ALAS2: variants seen among roughly 807,000 people sequenced by gnomAD.
ALAS2 encodes 5'-aminolevulinate synthase 2, also known as 5-aminolevulinate synthase, erythroid-specific, mitochondrial.
In ALAS2, 3 loss-of-function variants were observed where a neutral mutation model predicts 33.7. The observed-to-expected ratio is 0.09, with a 90% CI of 0.04 to 0.23. The LOEUF is 0.23. Among genes scored for constraint, ALAS2 ranks in the 10% least tolerant of loss-of-function variants. ALAS2 has a pLI of 1.00. For missense variants in ALAS2, 304 were observed against 475.1 expected (o/e 0.64, Z 3.35); for synonymous variants, 191 against 177.3 (o/e 1.08, Z -0.61).
intron 5 of ALAS2, among the ~76,000 whole-genome samples, 156 bp from the exon 6 acceptor site, chrX:55,020,660 G>C (rs761159068): frequency 9.0e-6 from 1 of 111,701 alleles, no homozygotes; most frequent in Non-Finnish European, 1.9e-5. Context: ...AGGATGGGGA[G>C]GATAGGGAGA....
In ALAS2 at chrX:55,009,230, G is replaced by A. The variant is rs372280573; in HGVS notation, c.1714C>T (p.Arg572Cys). 3 of 1,208,252 alleles carry A rather than the reference G, an allele frequency of 2.5e-6. No individual in the cohort carries two copies. Among genetic ancestry groups the A allele is most frequent in the Non-Finnish European group, 3.4e-6 (3 of 893,938 alleles). ...GGCCCCATGTTCCCGAAGTAGGAAC[G>A]TTCCCACTCACTCATGAGCTCAAAG... is the stretch of plus-strand genomic sequence containing the variant. ...VHFELMSEWE[R>C]SYFGNMGPQY... is the part of the protein sequence containing the mutation. The change falls in exon 11 of 11, where the codon CGT becomes TGT. Residue 572 changes from arginine to cysteine, a missense_variant. Physicochemically the swap from Arg to Cys is radical, Grantham distance 180. Transcript: ENST00000650242.
chrX:55,020,838 C>T (rs1319999762), intron 5 of ALAS2, among the ~76,000 whole-genome samples: 2 of 111,958 alleles, frequency 1.8e-5, no homozygotes, highest in African/African-American at 6.5e-5. Flanking sequence ...GGTCTCCCAT[C>T]CTTCCCCTCC....
intron 1 of ALAS2, among the ~76,000 whole-genome samples, chrX:55,026,561 C>T (rs760166684): frequency 2.7e-5 from 3 of 111,620 alleles, no homozygotes; most frequent in Non-Finnish European, 3.8e-5. Flanking sequence ...TCAAGGGATC[C>T]GGAAGGAAGG....
At chrX:55,023,135 A>G (rs916744660) in intron 4 of ALAS2, among the ~76,000 whole-genome samples, 6 of 110,399 alleles carry the variant, frequency 5.4e-5, no homozygotes, top group Non-Finnish European at 1.1e-4. Context: ...AACGAACTCC[A>G]GGTAAAATAA....
chrX:55,024,803 C>T lies in ALAS2; in HGVS notation c.219G>A (p.Met73Ile), dbSNP rs1259201474. The change falls in exon 3 of 11, where the codon ATG (methionine) becomes ATA (isoleucine). Residue 73 changes from methionine to isoleucine, a missense_variant. Coordinates refer to ENST00000650242, the MANE Select transcript of ALAS2 (RefSeq NM_000032.5). ...TCTTCCCATCCTGGAGTTCCGACAG[C>T]ATGAAGGGACAGTGGCCCTTCGCCC... is the stretch of plus-strand genomic sequence containing the variant. ...PSWAKGHCPFMLSELQDGKSK... is the reference protein window; with the variant it reads ...PSWAKGHCPFILSELQDGKSK... The T allele has an allele frequency of 1.7e-6, 2 of 1,209,929 alleles. No homozygotes were observed. The highest frequency in any genetic ancestry group is 2.2e-6 in the Non-Finnish European group (2 of 894,912).
rs1356854760 is a variant in ALAS2, at chrX:55,009,216, C to G, written c.1728G>C (p.Gly576=). The G allele has an allele frequency of 8.3e-7, 1 of 1,205,935 alleles. No homozygotes were observed. The highest frequency in any genetic ancestry group is 1.8e-5 in the African/African-American group (1 of 56,800). Reference sequence around the variant, plus strand: ...TGGTGACATACTGGGGCCCCATGTTCCCGAAGTAGGAACGTTCCCACTCAC... The same window carrying G: ...TGGTGACATACTGGGGCCCCATGTTGCCGAAGTAGGAACGTTCCCACTCAC... ...LMSEWERSYF[G]NMGPQYVTTY... The change falls in exon 11 of 11, where the codon GGG becomes GGC. Residue 576 remains glycine, a synonymous_variant. Transcript: ENST00000650242.
intron 1 of ALAS2, among the ~76,000 whole-genome samples, chrX:55,028,784 C>CT (rs202086122): frequency 0.033 from 3,621 of 111,342 alleles, 156 homozygotes; most frequent in African/African-American, 0.11. Context: ...ATCTCATTAC[C>CT]TACCAAGAGA....
intron 1 of ALAS2, among the ~76,000 whole-genome samples, chrX:55,030,045 C>A (rs1935968154): frequency 9.8e-6 from 1 of 101,619 alleles, no homozygotes; most frequent in Admixed American, 1.2e-4. Flanking sequence ...AAACATCAGG[C>A]CTTACTTCTC....
intron 1 of ALAS2, chrX:55,027,668 C>T: frequency 2.1e-6 from 2 of 973,410 alleles, no homozygotes; most frequent in South Asian, 1.9e-5. Context: ...AGGGACAGGT[C>T]AGCTCATGGC....
At position 55,014,778 on chromosome X, in the gene ALAS2, A is replaced by T. The variant is rs769553400; in HGVS notation, c.1406T>A (p.Ile469Asn). 5 of 1,191,752 alleles carry T rather than the reference A, an allele frequency of 4.2e-6. No homozygotes were observed. Among genetic ancestry groups the T allele is most frequent in the Non-Finnish European group, 5.7e-6 (5 of 883,175 alleles). The change falls in exon 9 of 11, where the codon ATC becomes AAC. Residue 469 changes from isoleucine to asparagine, a missense_variant. This residue lies in a region of ALAS2 where 95 missense variants were observed against 127.0 expected (regional missense o/e 0.75). Coordinates refer to ENST00000650242, the MANE Select transcript of ALAS2 (RefSeq NM_000032.5). ...QLLMDRGLPV[I>N]PCPSHIIPIR... is the part of the protein sequence containing the mutation. ...GGGGATGATGTGGCTGGGGCAGGGG[A>T]TGACAGGAAGGCCCCTGTCCATGAG...
intron 10 of ALAS2, among the ~76,000 whole-genome samples, chrX:55,012,349 C>T (rs1282288590): frequency 2.7e-5 from 3 of 112,143 alleles, no homozygotes; most frequent in African/African-American, 9.7e-5. Flanking sequence ...AATGTGTCCA[C>T]TCCCTCTAGC....
intron 10 of ALAS2, among the ~76,000 whole-genome samples, chrX:55,011,101 A>C (rs1935594697): frequency 9.0e-6 from 1 of 111,235 alleles, no homozygotes; most frequent in Admixed American, 9.6e-5. Context: ...GAAAAAACAA[A>C]ATGCATGTGG....
At chrX:55,025,710 C>T in intron 2 of ALAS2, 110 bp downstream of exon 2, 1 of 820,892 alleles carries the variant, frequency 1.2e-6, no homozygotes, top group Non-Finnish European at 1.8e-6. Context: ...GCTATCTTGA[C>T]ACTTTTCACA....
intron 4 of ALAS2, among the ~76,000 whole-genome samples, chrX:55,022,943 T>C (rs973569579): frequency 8.1e-5 from 9 of 111,664 alleles, no homozygotes; most frequent in Non-Finnish European, 1.5e-4. Flanking sequence ...AAATAAAAAT[T>C]GAAAAAAGTA....
chrX:55,028,962 G>A (rs1935941754), intron 1 of ALAS2, among the ~76,000 whole-genome samples: 2 of 112,052 alleles, frequency 1.8e-5, no homozygotes, highest in Non-Finnish European at 3.8e-5. Flanking sequence ...TCTGGAAAAT[G>A]TTGGTAATAA....
At chrX:55,023,092 C>T (rs1364251049) in intron 4 of ALAS2, among the ~76,000 whole-genome samples, 1 of 110,195 alleles carries the variant, frequency 9.1e-6, no homozygotes, top group Non-Finnish European at 1.9e-5. Flanking sequence ...CATACTATAC[C>T]CATGACATAT....
At chrX:55,022,611 G>A (rs867222148) in intron 4 of ALAS2, among the ~76,000 whole-genome samples, 33 of 111,678 alleles carry the variant, frequency 3.0e-4, no homozygotes, top group African/African-American at 1.0e-3. Flanking sequence ...TTGACAAAAT[G>A]TATTAATATC....
At chrX:55,017,710 C>T (rs1413847990) in intron 6 of ALAS2, 45 bp from the exon 7 acceptor site, 5 of 1,163,454 alleles carry the variant, frequency 4.3e-6, no homozygotes, top group Admixed American at 2.2e-5. Context: ...TCCCAGTACT[C>T]CCACTTCAAC....
rs1935865765 is a variant in ALAS2, at chrX:55,024,844, T to C, written c.182-4A>G. 2.5e-6 allele frequency: 3 copies of C among 1,209,720 alleles called. No individual in the cohort carries two copies. Among genetic ancestry groups the C allele is most frequent in the Non-Finnish European group, 3.4e-6 (3 of 895,065 alleles). ...CCCTTCGCCCAAGATGGAGAATCTATGCAAAGGTAAGAGAGTAATTTGGGG... is the reference window on the plus strand; with the variant it reads ...CCCTTCGCCCAAGATGGAGAATCTACGCAAAGGTAAGAGAGTAATTTGGGG... On this transcript the variant is annotated splice_polypyrimidine_tract_variant and splice_region_variant and intron_variant, in intron 2 of 10. Transcript: ENST00000650242.
Sources: gnomAD v4.1 joint callset for allele counts (sites outside exome capture counted in the v4.1 genomes callset) on GRCh38, gnomAD v4.1.1 for gene constraint, gnomAD v4.1.1 regional missense constraint, MANE v1.5 for transcripts, NCBI Gene and HGNC (gene_info 2026-07-23, HGNC 2026-07-21) for gene names.